Variants in PAX5 observed in about 807,000 individuals in gnomAD.
The protein encoded by PAX5 is paired box protein Pax-5.
A neutral mutation model predicts 43.7 loss-of-function variants in PAX5; 9 were observed. The ratio of observed to expected loss-of-function variants is 0.21; its 90% CI spans 0.12 to 0.36. The LOEUF is 0.36. PAX5 is among the 10% of genes least tolerant of loss of function. PAX5 has a pLI of 1.00. For synonymous variants in PAX5, 228 were observed against 214.3 expected (o/e 1.06, Z -0.56); for missense variants, 383 against 532.7 (o/e 0.72, Z 2.77).
chr9:36,837,593 C>T lies in PAX5; in HGVS notation c.*2967G>A, dbSNP rs1459345288. 1 of 233,210 alleles carries T rather than the reference C, an allele frequency of 4.3e-6. No individual in the cohort carries two copies. Among genetic ancestry groups the T allele is most frequent in the African/African-American group, 2.2e-5 (1 of 45,340 alleles). The allele number at this position is 233,210 out of a possible 1,614,324, so 14.4% of individuals were successfully genotyped here. A position where few individuals can be genotyped will look rare whatever the true frequency, so the allele number is the denominator to read the frequency against. ...CCTTTGGAGCCATCCTCACCAAGCTCCCAGGCAGCTCCGCTGGACCACGAG... is the reference window on the plus strand; with the variant it reads ...CCTTTGGAGCCATCCTCACCAAGCTTCCAGGCAGCTCCGCTGGACCACGAG... On this transcript the variant is annotated 3_prime_UTR_variant, in exon 10 of 10. Transcript: ENST00000358127.
intron 7 of PAX5, among the ~76,000 whole-genome samples, chr9:36,887,604 T>TCGAAACCAGATGCACACACACTACAAAAA: frequency 6.6e-6 from 1 of 151,926 alleles, no homozygotes; most frequent in Admixed American, 6.6e-5. Context: ...CTAACTATGA[T>TCGAAACCAGATGCACACACACTACAAAAA]TTGAAACCAG....
At chr9:36,966,749 G>A (rs761093661) in intron 5 of PAX5, 25 bp from the exon 6 acceptor site, 1 of 1,606,822 alleles carries the variant, frequency 6.2e-7, no homozygotes, top group Non-Finnish European at 8.5e-7. Context: ...AGAGAGGAAG[G>A]GTGAGTGGAG....
Position 36,837,205 on chromosome 9 carries a change from T to A in PAX5, c.*3355A>T, listed in dbSNP as rs1821703756. On this transcript the variant is annotated 3_prime_UTR_variant, in exon 10 of 10. Coordinates refer to ENST00000358127, the MANE Select transcript of PAX5 (RefSeq NM_016734.3). ...AATTCACTTCGCCTCTATGTTGCCG[T>A]GAGAGCCCCAAATGTCAATTTCCCC... The A allele has an allele frequency of 1.3e-5, 3 of 232,994 alleles. No individual in the cohort carries two copies. Among genetic ancestry groups the A allele is most frequent in the African/African-American group, 2.2e-5 (1 of 45,332 alleles). 14.4% of individuals were successfully genotyped at this position (232,994 alleles called of 1,614,324 possible).
chr9:36,888,935 C>T (rs1007944826), intron 7 of PAX5, among the ~76,000 whole-genome samples: 1 of 152,198 alleles, frequency 6.6e-6, no homozygotes, highest in African/African-American at 2.4e-5. Context: ...CAAATCTTAG[C>T]TCCACCACTT....
At chr9:36,911,104 C>T (rs1829244179) in intron 7 of PAX5, among the ~76,000 whole-genome samples, 1 of 152,194 alleles carries the variant, frequency 6.6e-6, no homozygotes, top group Non-Finnish European at 1.5e-5. Flanking sequence ...CTGAGTCTCT[C>T]TCTTCTCTCC....
At chr9:36,963,410 G>T (rs1030539478) in intron 6 of PAX5, among the ~76,000 whole-genome samples, 5 of 152,020 alleles carry the variant, frequency 3.3e-5, no homozygotes, top group African/African-American at 9.7e-5. Context: ...CAGTGCCATT[G>T]TCCTTGATGC....
At chr9:37,018,679 G>A (rs984805792) in intron 2 of PAX5, among the ~76,000 whole-genome samples, 1 of 151,662 alleles carries the variant, frequency 6.6e-6, no homozygotes, top group Non-Finnish European at 1.5e-5. Flanking sequence ...TAATTAGAGT[G>A]ACATTTTGTC....
At chr9:36,971,643 G>A (rs10116091) in intron 5 of PAX5, among the ~76,000 whole-genome samples, 151,799 of 152,352 alleles carry the variant, frequency 1, 75,625 homozygotes, top group East Asian at 1. Context: ...TCTACTCCAA[G>A]TCAAATAATA....
intron 5 of PAX5, among the ~76,000 whole-genome samples, chr9:36,977,481 C>A (rs569978651): frequency 1.3e-5 from 2 of 152,208 alleles, no homozygotes; most frequent in Middle Eastern, 6.8e-3. Flanking sequence ...CAAGAAAGGC[C>A]CCCTGTAGCC....
intron 1 of PAX5, among the ~76,000 whole-genome samples, chr9:37,032,119 G>A (rs1483486078): frequency 6.6e-6 from 1 of 152,180 alleles, no homozygotes; most frequent in Non-Finnish European, 1.5e-5. Context: ...TGGCTCTCTA[G>A]ATTTTAAGGC....
chr9:37,002,842 C>A, intron 4 of PAX5, 66 bp from the exon 5 acceptor site: 1 of 1,535,964 alleles, frequency 6.5e-7, no homozygotes, highest in Non-Finnish European at 8.8e-7. Flanking sequence ...GCTGTCACCG[C>A]ACGTGAGGCT....
intron 3 of PAX5, among the ~76,000 whole-genome samples, chr9:37,008,352 C>G (rs999596825): frequency 2.0e-5 from 3 of 152,252 alleles, no homozygotes; most frequent in Admixed American, 2.0e-4. Flanking sequence ...CCGCACTCAG[C>G]CTCCATGTAT....
In PAX5 at chr9:36,840,551, C is replaced by T. The variant is rs1821951441; in HGVS notation, c.*9G>A. On this transcript the variant is annotated 3_prime_UTR_variant, in exon 10 of 10. Coordinates refer to ENST00000358127, the MANE Select transcript of PAX5 (RefSeq NM_016734.3). ...CCATCAGTGTTTGGTGCCCGCCTGG[C>T]TCCAAGGGTCAGTGACGGTCATAGG... 2 of 1,580,902 alleles carry T rather than the reference C, an allele frequency of 1.3e-6. No individual in the cohort carries two copies. Among genetic ancestry groups the T allele is most frequent in the Non-Finnish European group, 1.7e-6 (2 of 1,164,404 alleles).
At chr9:36,840,680 C>T in intron 9 of PAX5, 44 bp from the exon 10 acceptor site, 1 of 1,287,574 alleles carries the variant, frequency 7.8e-7, no homozygotes, top group Middle Eastern at 1.8e-4. Context: ...TCCGGGGTCC[C>T]CTTTCCACCA....
At chr9:37,012,942 C>T (rs548901057) in intron 3 of PAX5, among the ~76,000 whole-genome samples, 7 of 152,000 alleles carry the variant, frequency 4.6e-5, no homozygotes, top group Non-Finnish European at 8.8e-5. Flanking sequence ...AAATTAGTTG[C>T]CTCTGTTAAA....
chr9:36,914,094 G>A (rs1829538982), intron 7 of PAX5, among the ~76,000 whole-genome samples: 1 of 152,174 alleles, frequency 6.6e-6, no homozygotes, highest in Non-Finnish European at 1.5e-5. Flanking sequence ...CCTGCCTGAG[G>A]GGTGTTACTG....
chr9:37,026,057 T>G (rs1275016736), intron 1 of PAX5, among the ~76,000 whole-genome samples: 1 of 152,160 alleles, frequency 6.6e-6, no homozygotes, highest in Non-Finnish European at 1.5e-5. Context: ...GCTCTCAACC[T>G]CTTCCTCCAC....
At chr9:37,001,438 C>T (rs1170491318) in intron 5 of PAX5, among the ~76,000 whole-genome samples, 2 of 152,200 alleles carry the variant, frequency 1.3e-5, no homozygotes, top group African/African-American at 2.4e-5. Flanking sequence ...ATGGCAGGCC[C>T]ACTGCCTCCT....
intron 5 of PAX5, among the ~76,000 whole-genome samples, chr9:36,994,623 C>T (rs2132345355): frequency 6.6e-6 from 1 of 152,318 alleles, no homozygotes; most frequent in African/African-American, 2.4e-5. Context: ...TCCAGAAGCT[C>T]AAAGACCTTC....
Sources: gnomAD v4.1 joint callset for allele counts (sites outside exome capture counted in the v4.1 genomes callset) on GRCh38, gnomAD v4.1.1 for gene constraint, MANE v1.5 for transcripts, NCBI Gene and HGNC (gene_info 2026-07-23, HGNC 2026-07-21) for gene names.